Variants in GEMIN5 observed in about 807,000 individuals in gnomAD.
The protein encoded by GEMIN5 is gem-associated protein 5.
A neutral mutation model predicts 176.9 loss-of-function variants in GEMIN5; 124 were observed. That is an observed-to-expected ratio of 0.70 (90% CI 0.61 to 0.81). The LOEUF is 0.81. Among genes scored for constraint, GEMIN5 ranks in the 40% least tolerant of loss-of-function variants. The pLI is 0.00. For missense variants in GEMIN5, 1,843 were observed against 1,814.6 expected, an observed-to-expected ratio of 1.02 and a Z score of -0.28; for synonymous variants, 673 against 665.2, an observed-to-expected ratio of 1.01 and a Z score of -0.18.
At chr5:154,932,791 C>T (rs1256217189) in intron 3 of GEMIN5, among the ~76,000 whole-genome samples, 1 of 152,104 alleles carries the variant, frequency 6.6e-6, no homozygotes, top group African/African-American at 2.4e-5. Flanking sequence ...TCTCAAACTC[C>T]TGGGCTCAAG....
At chr5:154,905,147 G>C (rs1441061785) in intron 17 of GEMIN5, among the ~76,000 whole-genome samples, 5 of 152,104 alleles carry the variant, frequency 3.3e-5, no homozygotes. Flanking sequence ...TGAGCCAAGA[G>C]TGTGCCACTG....
intron 5 of GEMIN5, among the ~76,000 whole-genome samples, chr5:154,930,407 T>C (rs1415850509): frequency 1.3e-5 from 2 of 152,208 alleles, no homozygotes; most frequent in Non-Finnish European, 2.9e-5. Flanking sequence ...AGTTTTATAT[T>C]TGAGTGCTAT....
At chr5:154,922,462 G>C (rs559034988) in intron 9 of GEMIN5, among the ~76,000 whole-genome samples, 1 of 152,018 alleles carries the variant, frequency 6.6e-6, no homozygotes, top group Non-Finnish European at 1.5e-5. Flanking sequence ...GCCTACTTTA[G>C]CCTATATCTA....
At chr5:154,936,497 T>C (rs1020203245) in intron 2 of GEMIN5, among the ~76,000 whole-genome samples, 1 of 152,236 alleles carries the variant, frequency 6.6e-6, no homozygotes, top group African/African-American at 2.4e-5. Context: ...TGGGAAGATT[T>C]AGACTACTGG....
intron 3 of GEMIN5, 113 bp from the exon 4 acceptor site, chr5:154,932,363 T>G: frequency 1.3e-6 from 1 of 746,576 alleles, no homozygotes; most frequent in South Asian, 1.8e-5. Flanking sequence ...TAGGTGCATT[T>G]GGGGTGGCGG....
In GEMIN5 at chr5:154,907,737, C is replaced by T. The variant is rs1434909245; in HGVS notation, c.2249G>A (p.Arg750Lys). 6.2e-7 allele frequency: 1 copy of T among 1,614,006 alleles called. No homozygotes were observed. The highest frequency in any genetic ancestry group is 8.5e-7 in the Non-Finnish European group (1 of 1,180,022). ...KPKKKKKPTL[R>K]TPVKLESIDG... Reference sequence around the variant, plus strand: ...AATCGATTCCAGCTTTACAGGAGTTCTCAAGGTGGGCTTTTTCTTCTTTTT... The same window carrying T: ...AATCGATTCCAGCTTTACAGGAGTTTTCAAGGTGGGCTTTTTCTTCTTTTT... Residue 750 changes from arginine to lysine, a missense_variant, in exon 16 of 28, where the codon AGA becomes AAA. Coordinates refer to ENST00000285873, the MANE Select transcript of GEMIN5 (RefSeq NM_015465.5).
Position 154,892,506 on chromosome 5 carries a change from C to T in GEMIN5, c.3641G>A (p.Ser1214Asn). 6.2e-7 allele frequency: 1 copy of T among 1,614,198 alleles called. No individual in the cohort carries two copies. Reference protein sequence around the residue: ...ICHDLTLAVLSQQMASWDEAV... With the variant: ...ICHDLTLAVLNQQMASWDEAV... ...CTCGTCCCAGGAGGCCATCTGTTGG[C>T]TCAGCACTGCCAGGGTCAAGTCATG... Residue 1214 changes from serine (S) to asparagine (N), a missense_variant, in exon 25 of 28, where the codon AGC (serine) becomes AAC (asparagine). Transcript: ENST00000285873.
chr5:154,911,650 T>C (rs1223936700), intron 15 of GEMIN5, 77 bp downstream of exon 15: 1 of 1,291,636 alleles, frequency 7.7e-7, no homozygotes. Flanking sequence ...ACGAATGTCT[T>C]CCTTGCTCAA....
At chr5:154,934,460 C>T (rs1314032793) in intron 3 of GEMIN5, among the ~76,000 whole-genome samples, 1 of 152,000 alleles carries the variant, frequency 6.6e-6, no homozygotes, top group African/African-American at 2.4e-5. Flanking sequence ...TACAGGCGTG[C>T]ACCACTGCAC....
At chr5:154,888,836 T>C (rs10075074) in intron 27 of GEMIN5, among the ~76,000 whole-genome samples, 3 of 144,836 alleles carry the variant, frequency 2.1e-5, no homozygotes, top group African/African-American at 5.2e-5. Context: ...ACCAAAGTAA[T>C]TGGATTCTAA....
intron 6 of GEMIN5, 21 bp downstream of exon 6, chr5:154,928,506 G>C: frequency 6.2e-7 from 1 of 1,612,170 alleles, no homozygotes; most frequent in South Asian, 1.1e-5. Context: ...ATCTGAGAAA[G>C]CATGACCAAA....
chr5:154,936,653 T>C (rs536314386), intron 2 of GEMIN5, among the ~76,000 whole-genome samples: 25 of 152,338 alleles, frequency 1.6e-4, no homozygotes, highest in South Asian at 6.2e-4. Flanking sequence ...TTACAGTCTA[T>C]ATCAGGAGTC....
rs1175599572 is a variant in GEMIN5, at chr5:154,888,233, G to A, written c.4504C>T (p.His1502Tyr). Residue 1502 changes from histidine (H) to tyrosine (Y), a missense_variant, in exon 28 of 28, where the codon CAC becomes TAC. His to Tyr is a moderately conservative substitution (Grantham distance 83). Transcript: ENST00000285873. The stretch of plus-strand genomic sequence containing the variant: ...ATTCACATACAGAAGGTCTGGCAGT[G>A]TCTTCTGTAAGTTTTCGTGTTGCCG... ...KYGNTKTYRR[H>Y]CQTFCM is the part of the protein sequence containing the mutation. 6.2e-7 allele frequency: 1 copy of A among 1,614,128 alleles called. No individual in the cohort carries two copies. The highest frequency in any genetic ancestry group is 8.5e-7 in the Non-Finnish European group (1 of 1,179,968).
intron 13 of GEMIN5, among the ~76,000 whole-genome samples, chr5:154,916,634 T>G (rs1029694216): frequency 6.6e-6 from 1 of 152,076 alleles, no homozygotes; most frequent in Non-Finnish European, 1.5e-5. Flanking sequence ...ACTAAAGGCA[T>G]GCACCTCTAA....
At chr5:154,928,425 C>G (rs1331881992) in intron 6 of GEMIN5, 102 bp downstream of exon 6, 18 of 1,005,582 alleles carry the variant, frequency 1.8e-5, no homozygotes, top group Middle Eastern at 2.9e-4. Flanking sequence ...AATGGCCCAT[C>G]ATAATACAAG....
At chr5:154,922,100 T>C (rs1763934354) in intron 9 of GEMIN5, among the ~76,000 whole-genome samples, 2 of 152,262 alleles carry the variant, frequency 1.3e-5, no homozygotes, top group South Asian at 4.1e-4. Flanking sequence ...ATCTAGAGAA[T>C]AAATCAAAAT....
At chr5:154,925,792 T>A in intron 8 of GEMIN5, 70 bp downstream of exon 8, 2 of 833,898 alleles carry the variant, frequency 2.4e-6, no homozygotes, top group South Asian at 1.5e-5. Flanking sequence ...CGCATTTAAA[T>A]GAACAGGCAT....
At position 154,921,073 on chromosome 5, in the gene GEMIN5, T is replaced by C. The variant is rs1189157649; in HGVS notation, c.1462+270A>G. Among the ~76,000 whole-genome samples, 7 of 152,182 alleles carry C rather than the reference T, an allele frequency of 4.6e-5. 1 individual carries two copies. The highest frequency in any genetic ancestry group is 1.5e-5 in the Non-Finnish European group (1 of 68,024). On this transcript the variant is annotated intron_variant, in intron 10 of 27. Transcript: ENST00000285873. ...GACTGGGTATCAGGACCCAGCATGA[T>C]AACTATACATACAATGAAAAATTTC...
chr5:154,909,796 T>C (rs1763656331), intron 15 of GEMIN5, among the ~76,000 whole-genome samples: 1 of 152,090 alleles, frequency 6.6e-6, no homozygotes, highest in African/African-American at 2.4e-5. Context: ...CTAGCCAACA[T>C]GGTGAATCCC....
Sources: gnomAD v4.1 joint callset for allele counts (sites outside exome capture counted in the v4.1 genomes callset) on GRCh38, gnomAD v4.1.1 for gene constraint, MANE v1.5 for transcripts, NCBI Gene and HGNC (gene_info 2026-07-23, HGNC 2026-07-21) for gene names.